The following LRRTM4 variants were observed in gnomAD, a reference collection of about 807,000 sequenced individuals.
LRRTM4 encodes the protein leucine rich repeat transmembrane neuronal 4.
A neutral mutation model predicts 47.6 loss-of-function variants in LRRTM4; 25 were observed. The observed-to-expected ratio is 0.53, with a 90% CI of 0.38 to 0.73. LRRTM4 has a LOEUF of 0.73. Ranked by LOEUF, LRRTM4 falls within the 30% of genes least tolerant of loss-of-function variation. LRRTM4 has a pLI of 0.00. For missense variants in LRRTM4, 638 were observed against 713.4 expected (o/e 0.89, Z 1.20); for synonymous variants, 311 against 269.5 (o/e 1.15, Z -1.51).
chr2:77,248,830 C>G (rs1006160015), intron 3 of LRRTM4, among the ~76,000 whole-genome samples: 1 of 152,078 alleles, frequency 6.6e-6, no homozygotes, highest in Admixed American at 6.5e-5. Flanking sequence ...GTCAGAACAA[C>G]AGGACACCCA....
chr2:77,388,201 T>A (rs2103808192), intron 3 of LRRTM4, among the ~76,000 whole-genome samples: 1 of 152,052 alleles, frequency 6.6e-6, no homozygotes, highest in East Asian at 1.9e-4. Flanking sequence ...AGCGAACAGT[T>A]ATTTAGGTTC....
chr2:77,092,020 C>T (rs1186790257), intron 3 of LRRTM4, among the ~76,000 whole-genome samples: 2 of 152,132 alleles, frequency 1.3e-5, no homozygotes, highest in South Asian at 2.1e-4. Context: ...CTCATGTCTG[C>T]GTGCAGCGGC....
At chr2:77,076,782 G>A (rs1418582178) in intron 3 of LRRTM4, among the ~76,000 whole-genome samples, 1 of 152,100 alleles carries the variant, frequency 6.6e-6, no homozygotes, top group East Asian at 1.9e-4. Flanking sequence ...ATTGTCCAAA[G>A]TATCGATGAA....
At chr2:77,389,475 A>T (rs1376196956) in intron 3 of LRRTM4, among the ~76,000 whole-genome samples, 2 of 152,120 alleles carry the variant, frequency 1.3e-5, no homozygotes, top group African/African-American at 4.8e-5. Context: ...AACTTCAAAC[A>T]GTTGATTATC....
At chr2:76,894,860 G>A (rs943757685) in intron 3 of LRRTM4, among the ~76,000 whole-genome samples, 9 of 149,550 alleles carry the variant, frequency 6.0e-5, no homozygotes, top group Admixed American at 2.0e-4. Context: ...ATACACATGC[G>A]CACATTGTTA....
At chr2:76,890,719 T>C (rs1427521748) in intron 3 of LRRTM4, among the ~76,000 whole-genome samples, 1 of 151,006 alleles carries the variant, frequency 6.6e-6, no homozygotes, top group African/African-American at 2.4e-5. Context: ...CAACAAAAAA[T>C]AACGAACATA....
intron 3 of LRRTM4, among the ~76,000 whole-genome samples, chr2:77,362,326 A>C (rs1672275272): frequency 6.6e-6 from 1 of 152,150 alleles, no homozygotes. Flanking sequence ...AAGAAGTTCT[A>C]GTATATGAGA....
intron 3 of LRRTM4, among the ~76,000 whole-genome samples, chr2:77,162,647 A>G (rs1358499912): frequency 3.3e-5 from 5 of 152,114 alleles, no homozygotes; most frequent in African/African-American, 1.2e-4. Flanking sequence ...TCAGGCAGCA[A>G]CATTTGCCAT....
At chr2:76,900,389 A>C (rs1673582819) in intron 3 of LRRTM4, among the ~76,000 whole-genome samples, 1 of 144,102 alleles carries the variant, frequency 6.9e-6, no homozygotes, top group African/African-American at 2.6e-5. Flanking sequence ...TCAAAACTTC[A>C]TATTATTTCA....
chr2:77,238,218 C>T (rs1057509683), intron 3 of LRRTM4, among the ~76,000 whole-genome samples: 16 of 152,098 alleles, frequency 1.1e-4, no homozygotes, highest in South Asian at 6.2e-4. Flanking sequence ...AATTATTTTA[C>T]GATCTATATG....
intron 3 of LRRTM4, among the ~76,000 whole-genome samples, chr2:76,791,499 A>C (rs548415022): frequency 6.6e-6 from 1 of 152,216 alleles, no homozygotes; most frequent in Non-Finnish European, 1.5e-5. Flanking sequence ...CAAGGAAGAC[A>C]AGGGACTCGA....
chr2:77,461,468 A>G (rs1254541777), intron 3 of LRRTM4, among the ~76,000 whole-genome samples: 1 of 152,144 alleles, frequency 6.6e-6, no homozygotes. Context: ...AAAACTTCCA[A>G]TACCATATGG....
At chr2:77,301,766 A>G (rs1558677464) in intron 3 of LRRTM4, among the ~76,000 whole-genome samples, 1 of 152,158 alleles carries the variant, frequency 6.6e-6, no homozygotes. Flanking sequence ...GCAAATGAAT[A>G]GTATCCTATT....
intron 3 of LRRTM4, among the ~76,000 whole-genome samples, chr2:76,902,320 C>CT (rs958766427): frequency 3.9e-5 from 6 of 152,190 alleles, no homozygotes; most frequent in East Asian, 3.9e-4. Flanking sequence ...TTTTATCTAT[C>CT]TTTTTTTAAA....
At chr2:76,921,864 T>C (rs1674443082) in intron 3 of LRRTM4, among the ~76,000 whole-genome samples, 1 of 152,108 alleles carries the variant, frequency 6.6e-6, no homozygotes. Context: ...TCCTTTTATT[T>C]AGAATGGCAT....
intron 3 of LRRTM4, among the ~76,000 whole-genome samples, chr2:77,223,446 A>T (rs542016235): frequency 2.6e-5 from 4 of 152,300 alleles, no homozygotes; most frequent in African/African-American, 9.6e-5. Flanking sequence ...ACATGATTGT[A>T]TATCTAGAAA....
intron 3 of LRRTM4, among the ~76,000 whole-genome samples, chr2:77,357,545 T>C (rs1672013580): frequency 1.3e-5 from 2 of 152,224 alleles, no homozygotes; most frequent in African/African-American, 4.8e-5. Flanking sequence ...GGGTTATGCA[T>C]ATAAATATGA....
intron 3 of LRRTM4, among the ~76,000 whole-genome samples, chr2:76,888,258 C>T (rs1468512145): frequency 6.6e-6 from 1 of 151,010 alleles, no homozygotes; most frequent in Non-Finnish European, 1.5e-5. Flanking sequence ...ATAACAGGAA[C>T]TAGATAATGA....
chr2:77,162,756 G>T (rs907154589), intron 3 of LRRTM4, among the ~76,000 whole-genome samples: 2 of 152,096 alleles, frequency 1.3e-5, no homozygotes, highest in Non-Finnish European at 2.9e-5. Flanking sequence ...TGCAGGTGAG[G>T]GTCCTGACTG....
Sources: gnomAD v4.1 joint callset for allele counts (sites outside exome capture counted in the v4.1 genomes callset) on GRCh38, gnomAD v4.1.1 for gene constraint, MANE v1.5 for transcripts, NCBI Gene and HGNC (gene_info 2026-07-23, HGNC 2026-07-21) for gene names.